The following THSD7A variants were observed in gnomAD, a reference collection of about 807,000 sequenced individuals.
THSD7A encodes thrombospondin type 1 domain containing 7A.
Under a neutral mutation model 231.3 loss-of-function variants are expected in THSD7A, and 96 were observed. The observed-to-expected ratio is 0.41, with a 90% CI of 0.35 to 0.49. The LOEUF is 0.49. THSD7A is among the 20% of genes least tolerant of loss of function. THSD7A has a pLI of 0.05. For synonymous variants in THSD7A, 940 were observed against 743.3 expected, an observed-to-expected ratio of 1.26 and a Z score of -4.30; for missense variants, 2,290 against 2,070.2, an observed-to-expected ratio of 1.11 and a Z score of -2.06.
intron 1 of THSD7A, among the ~76,000 whole-genome samples, chr7:11,702,282 T>C (rs1031331784): frequency 6.6e-6 from 1 of 151,106 alleles, no homozygotes; most frequent in East Asian, 2.0e-4. Context: ...TTGGATTGAG[T>C]AGTTGTCTGA....
intron 6 of THSD7A, among the ~76,000 whole-genome samples, chr7:11,537,767 G>C (rs1281256516): frequency 1.3e-5 from 2 of 152,182 alleles, no homozygotes; most frequent in Non-Finnish European, 2.9e-5. Context: ...TCCCCCAGGT[G>C]TTTTCAAAGC....
At chr7:11,515,859 G>A (rs1457303205) in intron 6 of THSD7A, among the ~76,000 whole-genome samples, 1 of 152,142 alleles carries the variant, frequency 6.6e-6, no homozygotes, top group Non-Finnish European at 1.5e-5. Flanking sequence ...AAGAAACAAG[G>A]AGTACTGCTT....
At chr7:11,552,982 A>T (rs1434383863) in intron 4 of THSD7A, among the ~76,000 whole-genome samples, 1 of 151,936 alleles carries the variant, frequency 6.6e-6, no homozygotes, top group East Asian at 1.9e-4. Flanking sequence ...CTCTCTAGAG[A>T]GGGAGATGTT....
At chr7:11,492,575 T>G (rs560484788) in intron 6 of THSD7A, among the ~76,000 whole-genome samples, 1 of 151,970 alleles carries the variant, frequency 6.6e-6, no homozygotes, top group African/African-American at 2.4e-5. Flanking sequence ...GACCCACTGA[T>G]GGAGATTGTG....
intron 6 of THSD7A, among the ~76,000 whole-genome samples, chr7:11,518,693 G>A (rs940564958): frequency 6.6e-6 from 1 of 152,114 alleles, no homozygotes; most frequent in African/African-American, 2.4e-5. Context: ...TGCTATGCAT[G>A]TGCTATGTGC....
Position 11,590,344 on chromosome 7 carries a change from A to T in THSD7A, c.1453+116T>A, listed in dbSNP as rs1001429098. ...TTTACCATAGTGAATACCAACCACA[A>T]TGTGAACAGAAATGCAGCCCTCATA... On this transcript the variant is annotated intron_variant, in intron 4 of 27. Coordinates refer to ENST00000423059, the MANE Select transcript of THSD7A (RefSeq NM_015204.3). The surrounding 1 kb of genome is among the most constrained non-coding windows in gnomAD (Gnocchi z 4.4). 9.7e-7 allele frequency: 1 copy of T among 1,033,642 alleles called. No individual in the cohort carries two copies. The highest frequency in any genetic ancestry group is 2.7e-5 in the East Asian group (1 of 37,394). The allele number at this position is 1,033,642 out of a possible 1,614,324, so 64.0% of individuals were successfully genotyped here.
At chr7:11,655,067 G>T (rs1442920599) in intron 1 of THSD7A, among the ~76,000 whole-genome samples, 1 of 151,696 alleles carries the variant, frequency 6.6e-6, no homozygotes, top group Non-Finnish European at 1.5e-5. Context: ...CTAAGCCAGG[G>T]TCAGAACCCT....
At chr7:11,629,606 A>C (rs377735319) in intron 2 of THSD7A, among the ~76,000 whole-genome samples, 4 of 152,122 alleles carry the variant, frequency 2.6e-5, no homozygotes, top group African/African-American at 9.7e-5. Context: ...AATTTTACTG[A>C]TTCACAAAGT....
At chr7:11,826,969 C>T (rs567435036) in intron 1 of THSD7A, among the ~76,000 whole-genome samples, 8 of 152,056 alleles carry the variant, frequency 5.3e-5, no homozygotes, top group African/African-American at 1.9e-4. Flanking sequence ...GACTGTGATA[C>T]AAAAGTGCTG....
chr7:11,819,818 G>A (rs1429341684), intron 1 of THSD7A, among the ~76,000 whole-genome samples: 1 of 152,064 alleles, frequency 6.6e-6, no homozygotes, highest in African/African-American at 2.4e-5. Context: ...CATGGACGTT[G>A]GTTAATAATA....
chr7:11,396,336 A>G (rs544851454), intron 23 of THSD7A, among the ~76,000 whole-genome samples: 1 of 152,202 alleles, frequency 6.6e-6, no homozygotes, highest in Admixed American at 6.5e-5. Flanking sequence ...TAAAAAAATC[A>G]ATCAAGGAGC....
At chr7:11,525,207 C>T (rs1432753808) in intron 6 of THSD7A, among the ~76,000 whole-genome samples, 2 of 152,266 alleles carry the variant, frequency 1.3e-5, no homozygotes, top group African/African-American at 4.8e-5. Flanking sequence ...TTGTCATTTT[C>T]CCCTAACTGC....
chr7:11,666,749 T>G (rs1293023236), intron 1 of THSD7A, among the ~76,000 whole-genome samples: 1 of 151,292 alleles, frequency 6.6e-6, no homozygotes, highest in Non-Finnish European at 1.5e-5. Context: ...ATACATGTTA[T>G]AAAACATATC....
At chr7:11,772,961 A>T (rs574282206) in intron 1 of THSD7A, among the ~76,000 whole-genome samples, 61 of 152,306 alleles carry the variant, frequency 4.0e-4, no homozygotes, top group African/African-American at 1.5e-3. Flanking sequence ...ATGTGTTTTT[A>T]AAAAATACTA....
Position 11,637,009 on chromosome 7 carries a change from T to C in THSD7A, c.191-48A>G, listed in dbSNP as rs369501797. 3.2e-5 allele frequency: 49 copies of C among 1,518,378 alleles called. No homozygotes were observed. The African/African-American group carries it at 4.4e-4, about 14-fold the overall frequency. The allele number at this position is 1,518,378 out of a possible 1,614,324, so 94.1% of individuals were successfully genotyped here. ...ATTAGCAGTGCTACTAGAAGAAAAC[T>C]ACAAGTTACTGCACATTCCAGAAAG... is the stretch of plus-strand genomic sequence containing the variant. On this transcript the variant is annotated intron_variant, in intron 1 of 27. Transcript: ENST00000423059. This position sits in a 1 kb window ranked among gnomAD's most constrained non-coding sequence, Gnocchi z 4.2.
intron 1 of THSD7A, among the ~76,000 whole-genome samples, chr7:11,795,488 G>A (rs537147504): frequency 3.3e-5 from 5 of 151,790 alleles, no homozygotes; most frequent in African/African-American, 4.8e-5. Context: ...TCACTTTCCC[G>A]GGAATGACAT....
At chr7:11,435,901 G>A (rs1490390753) in intron 13 of THSD7A, among the ~76,000 whole-genome samples, 1 of 151,910 alleles carries the variant, frequency 6.6e-6, no homozygotes, top group Non-Finnish European at 1.5e-5. Flanking sequence ...GTGGAGTACT[G>A]GGCCCTTAAC....
intron 11 of THSD7A, among the ~76,000 whole-genome samples, chr7:11,455,963 G>C (rs182693180): frequency 6.6e-5 from 10 of 151,876 alleles, no homozygotes; most frequent in Non-Finnish European, 1.3e-4. Context: ...GTCTATAAAG[G>C]CCACTTTATT....
At chr7:11,556,300 T>C (rs1179253112) in intron 4 of THSD7A, among the ~76,000 whole-genome samples, 1 of 150,596 alleles carries the variant, frequency 6.6e-6, no homozygotes, top group African/African-American at 2.4e-5. Flanking sequence ...TGTATATGTG[T>C]ATATATGTAC....
Sources: allele counts gnomAD v4.1 joint callset (sites outside exome capture counted in the v4.1 genomes callset), GRCh38; gene constraint gnomAD v4.1.1; non-coding constraint Gnocchi (gnomAD v3.1); transcripts MANE v1.5; gene names NCBI Gene and HGNC (gene_info 2026-07-23, HGNC 2026-07-21).